KIF26B: variants seen among roughly 807,000 people sequenced by gnomAD.
The protein encoded by KIF26B is kinesin-like protein KIF26B.
A neutral mutation model predicts 151.2 loss-of-function variants in KIF26B; 63 were observed. The observed-to-expected ratio is 0.42, with a 90% CI of 0.34 to 0.51. The LOEUF (loss-of-function observed/expected upper bound fraction) is 0.51, where lower values mean the gene tolerates loss of function less well. KIF26B is among the 20% of genes least tolerant of loss of function. KIF26B has a pLI of 0.07. For missense variants in KIF26B, 2,813 were observed against 2,913.6 expected (o/e 0.97, Z 0.79); for synonymous variants, 1,357 against 1,262.1 (o/e 1.08, Z -1.59).
At chr1:245,510,014 C>G (rs969270752) in intron 4 of KIF26B, among the ~76,000 whole-genome samples, 21 of 152,200 alleles carry the variant, frequency 1.4e-4, no homozygotes, top group African/African-American at 4.8e-4. Context: ...GTGGAGGGTC[C>G]TGGGCTGCAG....
At chr1:245,182,000 C>A (rs1277622564) in intron 2 of KIF26B, among the ~76,000 whole-genome samples, 1 of 152,088 alleles carries the variant, frequency 6.6e-6, no homozygotes, top group Admixed American at 6.5e-5. Context: ...ATAAAATTCA[C>A]CTGTTTTAAA....
intron 2 of KIF26B, among the ~76,000 whole-genome samples, chr1:245,267,454 C>G (rs947400696): frequency 6.6e-6 from 1 of 152,168 alleles, no homozygotes; most frequent in African/African-American, 2.4e-5. Flanking sequence ...TGCCCTTTCT[C>G]AGTGCAGCAG....
At chr1:245,510,190 T>C (rs557711530) in intron 4 of KIF26B, among the ~76,000 whole-genome samples, 19 of 152,206 alleles carry the variant, frequency 1.2e-4, no homozygotes, top group Non-Finnish European at 2.6e-4. Context: ...TGAGATGGGG[T>C]CAGAGGCAAA....
Position 245,422,108 on chromosome 1 carries a change from A to C in KIF26B, c.1166+2363A>C, listed in dbSNP as rs376788430. 3.9e-5 allele frequency among the ~76,000 whole-genome samples: 6 copies of C among 152,210 alleles called. No homozygotes were observed. In the East Asian group the frequency reaches 5.8e-4, roughly 15 times the overall value. On this transcript the variant is annotated intron_variant, in intron 4 of 14. Transcript: ENST00000407071. ...CAGTATGAGCTTTCAAAGAGCTGGA[A>C]AGGATCCCTAAGGCTCCCCAAATCT...
intron 4 of KIF26B, among the ~76,000 whole-genome samples, chr1:245,485,904 A>G (rs1369861314): frequency 6.6e-6 from 1 of 152,220 alleles, no homozygotes; most frequent in Non-Finnish European, 1.5e-5. Flanking sequence ...ATTCCTTACT[A>G]CTTTGCATCT....
At chr1:245,562,052 C>T (rs1040255981) in intron 5 of KIF26B, among the ~76,000 whole-genome samples, 1 of 152,124 alleles carries the variant, frequency 6.6e-6, no homozygotes, top group Non-Finnish European at 1.5e-5. Flanking sequence ...TGGGGGGCAT[C>T]TTCAGTGTGT....
intron 4 of KIF26B, among the ~76,000 whole-genome samples, chr1:245,465,614 G>A (rs1659770353): frequency 6.6e-6 from 1 of 152,190 alleles, no homozygotes; most frequent in Non-Finnish European, 1.5e-5. Context: ...GCTCTCTAGA[G>A]TCACCAACTC....
Position 245,552,122 on chromosome 1 carries a change from G to GGTGTGT in KIF26B, c.1350+11216_1350+11221dup, listed in dbSNP as rs55650522. Among the ~76,000 whole-genome samples, 614 of 131,672 alleles carry GGTGTGT rather than the reference G, an allele frequency of 4.7e-3. 3 individuals are homozygous for GGTGTGT. The highest frequency in any genetic ancestry group is 0.012 in the Middle Eastern group (3 of 252). 86.4% of individuals were successfully genotyped at this position (131,672 alleles called of 152,430 possible). A position where few individuals can be genotyped will look rare whatever the true frequency, so the allele number is the denominator to read the frequency against. On this transcript the variant is annotated intron_variant, in intron 5 of 14. Transcript: ENST00000407071. ...TTCTCCAGAGAAACAGAACCAGCAG[G>GGTGTGT]GTGTGTGTGTGTGTGTGTGTGTGTG... is the stretch of plus-strand genomic sequence containing the variant.
chr1:245,346,250 AT>A (rs376158809), intron 2 of KIF26B, among the ~76,000 whole-genome samples: 4,301 of 152,066 alleles, frequency 0.028, 187 homozygotes, highest in African/African-American at 0.098. Flanking sequence ...GCCCTCAGGT[AT>A]TTTTTTATAG....
At chr1:245,538,878 A>G (rs1349320704) in intron 4 of KIF26B, among the ~76,000 whole-genome samples, 1 of 152,120 alleles carries the variant, frequency 6.6e-6, no homozygotes, top group Non-Finnish European at 1.5e-5. Flanking sequence ...GCCTTGTGCC[A>G]ATGACTGACC....
chr1:245,547,432 A>G (rs1411365068), intron 5 of KIF26B, among the ~76,000 whole-genome samples: 1 of 151,994 alleles, frequency 6.6e-6, no homozygotes, highest in Non-Finnish European at 1.5e-5. Context: ...CTAAAAATAC[A>G]AAAATTAGCC....
intron 2 of KIF26B, among the ~76,000 whole-genome samples, chr1:245,201,744 C>T (rs1455509495): frequency 6.6e-6 from 1 of 152,138 alleles, no homozygotes; most frequent in African/African-American, 2.4e-5. Context: ...GACAAGCCCC[C>T]TTTTTAGGAG....
At chr1:245,670,293 C>CAG (rs1460128941) in intron 10 of KIF26B, among the ~76,000 whole-genome samples, 4 of 147,528 alleles carry the variant, frequency 2.7e-5, no homozygotes, top group African/African-American at 9.9e-5. Context: ...CACACACACA[C>CAG]ACAATGTATA....
chr1:245,579,716 C>T (rs1005763605), intron 5 of KIF26B, among the ~76,000 whole-genome samples: 60 of 151,936 alleles, frequency 3.9e-4, no homozygotes, highest in African/African-American at 1.4e-3. Context: ...GGTGTGGTGG[C>T]ACATGCCTGT....
At chr1:245,259,011 C>T (rs1487809530) in intron 2 of KIF26B, among the ~76,000 whole-genome samples, 1 of 152,194 alleles carries the variant, frequency 6.6e-6, no homozygotes, top group East Asian at 1.9e-4. Context: ...AGTCCAGTTT[C>T]TGCAACAGCC....
At position 245,540,572 on chromosome 1, in the gene KIF26B, C is replaced by G. The variant is rs1052141933; in HGVS notation, c.1167-195C>G. 2.8e-6 allele frequency: 2 copies of G among 714,450 alleles called. No individual in the cohort carries two copies. The highest frequency in any genetic ancestry group is 5.1e-6 in the Non-Finnish European group (2 of 388,788). The allele number at this position is 714,450 out of a possible 1,614,324, so 44.3% of individuals were successfully genotyped here. Reference sequence around the variant, plus strand: ...TTTATGGCTTTGTTTTTCCTTTTGTCGTATAAATGATTGGGTAGCTCGTTA... The same window carrying G: ...TTTATGGCTTTGTTTTTCCTTTTGTGGTATAAATGATTGGGTAGCTCGTTA... On this transcript the variant is annotated intron_variant, in intron 4 of 14. Transcript: ENST00000407071. This position sits in a 1 kb window ranked among gnomAD's most constrained non-coding sequence, Gnocchi z 4.6.
intron 3 of KIF26B, among the ~76,000 whole-genome samples, chr1:245,418,841 A>G (rs146512478): frequency 6.6e-6 from 1 of 152,284 alleles, no homozygotes; most frequent in East Asian, 1.9e-4. Flanking sequence ...TTTTGCCCCA[A>G]AGTTTGATTC....
At chr1:245,527,572 C>T (rs1466266734) in intron 4 of KIF26B, among the ~76,000 whole-genome samples, 7 of 100,078 alleles carry the variant, frequency 7.0e-5, no homozygotes, top group Non-Finnish European at 1.0e-4. Context: ...CTGGCTATGT[C>T]GCCCAGGCTG....
chr1:245,522,499 A>G (rs931333324), intron 4 of KIF26B, among the ~76,000 whole-genome samples: 3 of 152,212 alleles, frequency 2.0e-5, no homozygotes, highest in African/African-American at 7.2e-5. Flanking sequence ...GGAACTACCA[A>G]GTAAGTAATT....
Sources: allele counts gnomAD v4.1 joint callset (sites outside exome capture counted in the v4.1 genomes callset), GRCh38; gene constraint gnomAD v4.1.1; non-coding constraint Gnocchi (gnomAD v3.1); transcripts MANE v1.5; gene names NCBI Gene and HGNC (gene_info 2026-07-23, HGNC 2026-07-21).